LINGO2: variants seen among roughly 807,000 people sequenced by gnomAD.
LINGO2 encodes leucine rich repeat and Ig domain containing 2.
Under a neutral mutation model 30.6 loss-of-function variants are expected in LINGO2, and 14 were observed. The ratio of observed to expected loss-of-function variants is 0.46; its 90% CI spans 0.30 to 0.72. LINGO2 has a LOEUF of 0.72. Among genes scored for constraint, LINGO2 ranks in the 30% least tolerant of loss-of-function variants. The pLI, the probability that LINGO2 is intolerant of heterozygous loss-of-function variation, is 0.07. For missense variants in LINGO2, 729 were observed against 751.7 expected (o/e 0.97, Z 0.35); for synonymous variants, 317 against 288.5 (o/e 1.10, Z -1.00).
chr9:28,994,363 A>C, the LINGO2 span, among the ~76,000 whole-genome samples: 1 of 152,190 alleles, frequency 6.6e-6, no homozygotes, highest in Non-Finnish European at 1.5e-5. Context: ...TCAATGAAAT[A>C]AAAGAGGATA....
intron 5 of LINGO2, among the ~76,000 whole-genome samples, chr9:28,008,538 G>A (rs2119217729): frequency 6.6e-6 from 1 of 151,494 alleles, no homozygotes. Context: ...ATCTCTCTTT[G>A]TTGATGACAT....
intron 3 of LINGO2, among the ~76,000 whole-genome samples, chr9:28,306,950 C>A (rs1341013153): frequency 1.3e-5 from 2 of 151,954 alleles, no homozygotes. Context: ...GCTTACCAAC[C>A]AAAAAGAGTC....
At chr9:28,588,505 A>G (rs1053050488) in intron 1 of LINGO2, among the ~76,000 whole-genome samples, 9 of 152,072 alleles carry the variant, frequency 5.9e-5, no homozygotes, top group South Asian at 2.1e-4. Context: ...ACCAAAATGT[A>G]TAAGTGTGCT....
intron 3 of LINGO2, among the ~76,000 whole-genome samples, chr9:28,309,221 G>A (rs929436517): frequency 6.6e-6 from 1 of 152,084 alleles, no homozygotes; most frequent in Non-Finnish European, 1.5e-5. Flanking sequence ...AGAAAATGTG[G>A]CACATATACA....
chr9:28,436,840 A>C (rs116638842), intron 2 of LINGO2, among the ~76,000 whole-genome samples: 4,415 of 152,200 alleles, frequency 0.029, 209 homozygotes, highest in African/African-American at 0.098. Flanking sequence ...AAGAGGAGGA[A>C]GTCCTTACCA....
chr9:28,384,068 T>C (rs1015629590), intron 2 of LINGO2, among the ~76,000 whole-genome samples: 2 of 151,986 alleles, frequency 1.3e-5, no homozygotes, highest in South Asian at 2.1e-4. Flanking sequence ...CATCTATAAA[T>C]ATTATATTAG....
rs143008590 is a variant in LINGO2, at chr9:28,366,614, T to C, written c.-246+6222A>G. Among the ~76,000 whole-genome samples, 789 of 152,190 alleles carry C rather than the reference T, an allele frequency of 5.2e-3. 5 individuals carry two copies. The highest frequency in any genetic ancestry group is 0.018 in the African/African-American group (760 of 41,518). On this transcript the variant is annotated intron_variant, in intron 3 of 5. Transcript: ENST00000379992. ...AGATATTAAGGTAGGATCATTCACT[T>C]GCATTAGCTTCCTTGTGAGGAAAAG...
the LINGO2 span, among the ~76,000 whole-genome samples, chr9:28,758,270 A>G: frequency 1.3e-5 from 2 of 152,098 alleles, no homozygotes; most frequent in South Asian, 4.1e-4. Flanking sequence ...TTCCAAAAGA[A>G]CTATGAGTAG....
intron 1 of LINGO2, among the ~76,000 whole-genome samples, chr9:28,582,826 G>A (rs377412008): frequency 1.3e-5 from 2 of 152,002 alleles, no homozygotes; most frequent in African/African-American, 4.8e-5. Flanking sequence ...ACCTTTTTAT[G>A]GTTGAACCTT....
At chr9:28,332,759 G>A (rs934502123) in intron 3 of LINGO2, among the ~76,000 whole-genome samples, 1 of 152,062 alleles carries the variant, frequency 6.6e-6, no homozygotes. Flanking sequence ...AGAATTCAAC[G>A]CATGCCTGGA....
chr9:29,068,183 C>A, the LINGO2 span, among the ~76,000 whole-genome samples: 1 of 151,402 alleles, frequency 6.6e-6, no homozygotes, highest in South Asian at 2.1e-4. Context: ...TCAGAACTTG[C>A]AAATAAAACA....
the LINGO2 span, among the ~76,000 whole-genome samples, chr9:28,880,807 G>A: frequency 1.3e-5 from 2 of 152,172 alleles, no homozygotes; most frequent in African/African-American, 2.4e-5. Context: ...CCTATGGTGA[G>A]AGGCAAGACA....
intron 2 of LINGO2, among the ~76,000 whole-genome samples, chr9:28,435,319 T>C (rs1363351609): frequency 6.6e-6 from 1 of 152,202 alleles, no homozygotes; most frequent in East Asian, 1.9e-4. Flanking sequence ...TATAATGTTG[T>C]TATCTAAGAA....
At chr9:28,562,334 T>C (rs1454523248) in intron 1 of LINGO2, among the ~76,000 whole-genome samples, 2 of 151,830 alleles carry the variant, frequency 1.3e-5, no homozygotes, top group Non-Finnish European at 2.9e-5. Flanking sequence ...AAGGCTTTCC[T>C]GACCGCCAGT....
chr9:29,209,241 GA>G, the LINGO2 span, among the ~76,000 whole-genome samples: 1 of 152,132 alleles, frequency 6.6e-6, no homozygotes, highest in East Asian at 1.9e-4. Context: ...ACACTTTCCA[GA>G]AACGAAAGGC....
At chr9:28,956,053 A>C in the LINGO2 span, among the ~76,000 whole-genome samples, 1 of 151,660 alleles carries the variant, frequency 6.6e-6, no homozygotes, top group South Asian at 2.1e-4. Context: ...AACAGGTTAA[A>C]AAAAAATTAG....
intron 4 of LINGO2, among the ~76,000 whole-genome samples, chr9:28,220,737 A>G (rs1350055714): frequency 6.6e-6 from 1 of 152,130 alleles, no homozygotes; most frequent in African/African-American, 2.4e-5. Context: ...CACCAGATAT[A>G]TCAGAAATGC....
At chr9:28,603,389 A>C in intron 1 of LINGO2, among the ~76,000 whole-genome samples, 1 of 152,068 alleles carries the variant, frequency 6.6e-6, no homozygotes, top group East Asian at 1.9e-4. Flanking sequence ...TGAATGGATG[A>C]CTATAGACTG....
chr9:29,145,101 T>A, the LINGO2 span, among the ~76,000 whole-genome samples: 1 of 152,194 alleles, frequency 6.6e-6, no homozygotes, highest in African/African-American at 2.4e-5. Flanking sequence ...TTACAGGTAT[T>A]TCTAGATAAT....
Sources: allele counts gnomAD v4.1 joint callset (sites outside exome capture counted in the v4.1 genomes callset), GRCh38; gene constraint gnomAD v4.1.1; transcripts MANE v1.5; gene names NCBI Gene and HGNC (gene_info 2026-07-23, HGNC 2026-07-21).